The following CREB5 variants were observed in gnomAD, a reference collection of about 807,000 sequenced individuals.
The protein encoded by CREB5 is cAMP responsive element binding protein 5.
In CREB5, 19 loss-of-function variants were observed where a neutral mutation model predicts 57.1. The ratio of observed to expected loss-of-function variants is 0.33; its 90% CI spans 0.23 to 0.49. CREB5 has a LOEUF of 0.49. Ranked by LOEUF, CREB5 falls within the 20% of genes least tolerant of loss-of-function variation. The pLI is 0.99. For missense variants in CREB5, 579 were observed against 671.6 expected (o/e 0.86, Z 1.52); for synonymous variants, 238 against 238.3 (o/e 1.00, Z 0.01).
At chr7:28,337,656 C>A (rs755662497) in intron 1 of CREB5, among the ~76,000 whole-genome samples, 46 of 152,040 alleles carry the variant, frequency 3.0e-4, no homozygotes, top group Admixed American at 1.9e-3. Context: ...TCCAGTTAGC[C>A]ACTGTATGTC....
intron 5 of CREB5, among the ~76,000 whole-genome samples, chr7:28,621,929 A>G (rs1170656100): frequency 6.6e-6 from 1 of 152,170 alleles, no homozygotes; most frequent in Non-Finnish European, 1.5e-5. Context: ...GAAAAGACTC[A>G]CCCAAACGCC....
At chr7:28,437,102 C>T (rs1164874187) in intron 1 of CREB5, among the ~76,000 whole-genome samples, 1 of 152,150 alleles carries the variant, frequency 6.6e-6, no homozygotes, top group East Asian at 1.9e-4. Flanking sequence ...GTCCCACTCC[C>T]AACCGGCAGT....
intron 4 of CREB5, among the ~76,000 whole-genome samples, chr7:28,510,271 A>C (rs746648923): frequency 1.5e-4 from 23 of 152,106 alleles, no homozygotes; most frequent in Non-Finnish European, 1.3e-4. Context: ...CTATCTTATC[A>C]TTTTTTAGTA....
At position 28,643,977 on chromosome 7, in the gene CREB5, C is replaced by T. The variant is rs533484480; in HGVS notation, c.464+73440C>T. On this transcript the variant is annotated intron_variant, in intron 5 of 10. Coordinates refer to ENST00000357727, the MANE Select transcript of CREB5 (RefSeq NM_182898.4). ...ACCTATAGTCCAGCTGCTAGGGAGG[C>T]TGAGGTGGGAGAATTGTTTGGGCCC... 2.0e-5 allele frequency among the ~76,000 whole-genome samples: 3 copies of T among 151,922 alleles called. No individual in the cohort carries two copies. In the East Asian group the frequency reaches 5.8e-4, roughly 29 times the overall value.
intron 7 of CREB5, among the ~76,000 whole-genome samples, chr7:28,746,307 G>C (rs571354079): frequency 6.6e-6 from 1 of 152,282 alleles, no homozygotes; most frequent in African/African-American, 2.4e-5. Context: ...AAAGCAACAA[G>C]AAAAGTTGTA....
chr7:28,645,945 C>G (rs540277616), intron 5 of CREB5, among the ~76,000 whole-genome samples: 2 of 152,286 alleles, frequency 1.3e-5, no homozygotes, highest in Non-Finnish European at 2.9e-5. Context: ...TGAATTTGCT[C>G]TCTGAGCTGA....
chr7:28,805,014 A>G (rs1389166140), intron 8 of CREB5, among the ~76,000 whole-genome samples: 1 of 152,226 alleles, frequency 6.6e-6, no homozygotes, highest in African/African-American at 2.4e-5. Context: ...AATGTTAAAA[A>G]TCTAAAGAGT....
At chr7:28,405,779 T>C (rs1054160183) in intron 1 of CREB5, among the ~76,000 whole-genome samples, 5 of 152,132 alleles carry the variant, frequency 3.3e-5, no homozygotes, top group Admixed American at 1.3e-4. Flanking sequence ...CCTCTTTTCT[T>C]CTCCGTCATC....
At chr7:28,731,866 C>T (rs1279018318) in intron 7 of CREB5, among the ~76,000 whole-genome samples, 1 of 152,216 alleles carries the variant, frequency 6.6e-6, no homozygotes, top group Non-Finnish European at 1.5e-5. Context: ...ATGATTCTTC[C>T]AGAGACTTGG....
At chr7:28,306,368 C>G (rs1785182366) in intron 1 of CREB5, among the ~76,000 whole-genome samples, 1 of 152,116 alleles carries the variant, frequency 6.6e-6, no homozygotes, top group Admixed American at 6.6e-5. Context: ...TGACTCTGAC[C>G]TCTGCCATTT....
chr7:28,324,037 G>A (rs923087459), intron 1 of CREB5, among the ~76,000 whole-genome samples: 6 of 152,262 alleles, frequency 3.9e-5, no homozygotes, highest in South Asian at 2.1e-4. Flanking sequence ...AGGAGGTAAT[G>A]TGCATGATGG....
intron 1 of CREB5, among the ~76,000 whole-genome samples, chr7:28,300,886 G>A (rs572007479): frequency 3.4e-4 from 51 of 152,214 alleles, no homozygotes; most frequent in African/African-American, 1.2e-3. Flanking sequence ...ACAAAACCTT[G>A]GAACTTGTCA....
intron 1 of CREB5, among the ~76,000 whole-genome samples, chr7:28,309,797 G>A (rs747936977): frequency 3.5e-4 from 53 of 152,258 alleles, no homozygotes; most frequent in Non-Finnish European, 5.9e-4. Context: ...ATAGCTCCTG[G>A]CCCTACGTTG....
chr7:28,332,451 G>T (rs1785734370), intron 1 of CREB5, among the ~76,000 whole-genome samples: 3 of 152,144 alleles, frequency 2.0e-5, no homozygotes, highest in African/African-American at 7.2e-5. Flanking sequence ...CTGATGACTG[G>T]CATATAGTAG....
Position 28,326,061 on chromosome 7 carries a change from T to TA in CREB5, c.-25+26622dup, listed in dbSNP as rs1583675029. On this transcript the variant is annotated intron_variant, in intron 1 of 9. Coordinates refer to the CREB5 transcript ENST00000396299. Reference sequence around the variant, plus strand: ...CCTTTTAGTGGAGGATGGCATTTAGTAACCAAGATATGGGCTCTAGATGTA... The same window carrying TA: ...CCTTTTAGTGGAGGATGGCATTTAGTAAACCAAGATATGGGCTCTAGATGTA... 2.6e-5 allele frequency among the ~76,000 whole-genome samples: 4 copies of TA among 152,316 alleles called. No homozygotes were observed. The East Asian group carries it at 7.7e-4, about 29-fold the overall frequency.
chr7:28,374,645 A>G (rs1307938764), intron 1 of CREB5, among the ~76,000 whole-genome samples: 1 of 152,206 alleles, frequency 6.6e-6, no homozygotes, highest in Non-Finnish European at 1.5e-5. Context: ...AAATTTCTAG[A>G]AAAGGTGTAT....
intron 5 of CREB5, among the ~76,000 whole-genome samples, chr7:28,707,485 C>T (rs937253918): frequency 6.6e-6 from 1 of 152,196 alleles, no homozygotes; most frequent in African/African-American, 2.4e-5. Flanking sequence ...CTGTCAGCCC[C>T]ACAAGGCTAC....
chr7:28,488,759 A>G (rs970615752), intron 2 of CREB5, among the ~76,000 whole-genome samples: 2 of 152,236 alleles, frequency 1.3e-5, no homozygotes, highest in Admixed American at 6.5e-5. Flanking sequence ...AAGAGGATAA[A>G]TTGTCCTGCT....
At chr7:28,811,392 G>A (rs1290958886) in intron 9 of CREB5, among the ~76,000 whole-genome samples, 1 of 152,234 alleles carries the variant, frequency 6.6e-6, no homozygotes, top group South Asian at 2.1e-4. Flanking sequence ...ATGTGGTTAA[G>A]CATTTTTCTT....
Sources: allele counts gnomAD v4.1 joint callset (sites outside exome capture counted in the v4.1 genomes callset), GRCh38; gene constraint gnomAD v4.1.1; transcripts MANE v1.5; gene names NCBI Gene and HGNC (gene_info 2026-07-23, HGNC 2026-07-21).